SRCAP: variants seen among roughly 807,000 people sequenced by gnomAD.
SRCAP encodes chromatin remodeling protein SRCAP.
A neutral mutation model predicts 263.1 loss-of-function variants in SRCAP; 46 were observed. The ratio of observed to expected loss-of-function variants is 0.17; its 90% CI spans 0.14 to 0.22. SRCAP has a LOEUF of 0.22. Among genes scored for constraint, SRCAP ranks in the 10% least tolerant of loss-of-function variants. The pLI is 1.00. For synonymous variants in SRCAP, 1,813 were observed against 1,662.1 expected, an observed-to-expected ratio of 1.09 and a Z score of -2.21; for missense variants, 3,695 against 4,181.9, an observed-to-expected ratio of 0.88 and a Z score of 3.21.
chr16:30,710,215 A>G (rs2052872696), intron 8 of SRCAP, 87 bp downstream of exon 8: 3 of 1,431,880 alleles, frequency 2.1e-6, no homozygotes, highest in Admixed American at 2.4e-5. Flanking sequence ...GAGGTTGGTT[A>G]TGAGTTTTAG....
At chr16:30,734,465 C>T (rs777942245) in intron 30 of SRCAP, 31 bp from the exon 31 acceptor site, 1 of 1,613,090 alleles carries the variant, frequency 6.2e-7, no homozygotes, top group South Asian at 1.1e-5. Flanking sequence ...ATTCTGTTGA[C>T]TCTGACACTT....
At chr16:30,715,632 CCTTTA>C (rs1458130454) in intron 16 of SRCAP, among the ~76,000 whole-genome samples, 5 of 150,292 alleles carry the variant, frequency 3.3e-5, no homozygotes, top group Non-Finnish European at 5.9e-5. Context: ...TATCTCTGTT[CCTTTA>C]CTTCTTCCGT....
intron 6 of SRCAP, among the ~76,000 whole-genome samples, chr16:30,708,393 A>G (rs2052850592): frequency 6.6e-6 from 1 of 151,726 alleles, no homozygotes; most frequent in South Asian, 2.1e-4. Flanking sequence ...AATTCTTTTT[A>G]ATTTCTTTTT....
intron 20 of SRCAP, 60 bp from the exon 21 acceptor site, chr16:30,721,128 TG>T (rs2053007285): frequency 4.5e-6 from 7 of 1,546,654 alleles, no homozygotes; most frequent in African/African-American, 1.4e-5. Context: ...TGGAGGCTTC[TG>T]GCACCAGGCT....
chr16:30,717,749 C>T (rs1003595212), intron 18 of SRCAP, among the ~76,000 whole-genome samples: 2 of 150,016 alleles, frequency 1.3e-5, no homozygotes, highest in African/African-American at 4.9e-5. Context: ...GCTGGGGATA[C>T]AGGCACGCAC....
At position 30,725,031 on chromosome 16, in the gene SRCAP, C is replaced by T. The variant is rs2053050520; in HGVS notation, c.5607C>T (p.Gly1869=). 1.2e-6 allele frequency: 2 copies of T among 1,613,266 alleles called. No individual in the cohort carries two copies. Among genetic ancestry groups the T allele is most frequent in the Middle Eastern group, 1.7e-4 (1 of 6,058 alleles). ...CCTCCACTGCTACCTCGTTTGGTGG[C>T]CCCCGGCCTCGACGCCAGCCCCCCC... ...SPPSTATSFG[G]PRPRRQPPPP... The change falls in exon 25 of 34, where the codon GGC becomes GGT. Residue 1869 remains glycine, a synonymous_variant. Transcript: ENST00000262518.
rs1596666772 is a variant in SRCAP, at chr16:30,736,379, T to G, written c.6909T>G (p.Ala2303=). 1 of 1,612,878 alleles carries G rather than the reference T, an allele frequency of 6.2e-7. No individual in the cohort carries two copies. The highest frequency in any genetic ancestry group is 8.5e-7 in the Non-Finnish European group (1 of 1,179,210). Residue 2303 remains alanine, a synonymous_variant, in exon 32 of 34, where the codon GCT becomes GCG. Transcript: ENST00000262518. ...EEMSRAEQEI[A]ALVEQLTPIE... is the part of the protein sequence containing the mutation. ...TGTCCCGGGCTGAGCAGGAAATTGC[T>G]GCCCTCGTAGAACAGGTCAGTGCTG...
Position 30,737,566 on chromosome 16 carries a change from C to T in SRCAP, c.7526C>T (p.Pro2509Leu), listed in dbSNP as rs756517891. 6.2e-7 allele frequency: 1 copy of T among 1,614,072 alleles called. No homozygotes were observed. Among genetic ancestry groups the T allele is most frequent in the Non-Finnish European group, 8.5e-7 (1 of 1,179,978 alleles). The change falls in exon 34 of 34, where the codon CCA becomes CTA. Residue 2509 changes from proline to leucine, a missense_variant. Coordinates refer to ENST00000262518, the MANE Select transcript of SRCAP (RefSeq NM_006662.3). ...CCTCCTCCTGCCTGTACCCCTCCACCAGCTCATACACCGCCTCCAGCCCAA... is the reference window on the plus strand; with the variant it reads ...CCTCCTCCTGCCTGTACCCCTCCACTAGCTCATACACCGCCTCCAGCCCAA... ...CTPPPACTPPPAHTPPPAQTC... is the reference protein window; with the variant it reads ...CTPPPACTPPLAHTPPPAQTC...
intron 19 of SRCAP, 120 bp downstream of exon 19, chr16:30,720,451 G>A (rs748483879): frequency 1.1e-5 from 14 of 1,227,488 alleles, no homozygotes; most frequent in Admixed American, 2.3e-5. Context: ...TATGGGATGG[G>A]TGCAAACGTG....
In SRCAP at chr16:30,724,308, G is replaced by A. The variant is rs773459435; in HGVS notation, c.4884G>A (p.Pro1628=). The part of the protein sequence containing the change: ...AAPVLASSQT[P]VPVMAPSSTP... ...CTGTCCTGGCTTCATCACAGACTCC[G>A]GTTCCAGTTATGGCTCCATCGTCTA... Residue 1628 remains proline (P), a synonymous_variant, in exon 25 of 34, where the codon CCG becomes CCA. Transcript: ENST00000262518. 5.4e-5 allele frequency: 87 copies of A among 1,614,022 alleles called. No individual in the cohort carries two copies. Among genetic ancestry groups the A allele is most frequent in the Admixed American group, 8.3e-5 (5 of 60,008 alleles).
Position 30,733,401 on chromosome 16 carries a change from C to A in SRCAP, c.6249C>A (p.Gly2083=). The A allele has an allele frequency of 6.2e-7, 1 of 1,614,114 alleles. No individual in the cohort carries two copies. Residue 2083 remains glycine, a synonymous_variant, in exon 28 of 34, where the codon GGC becomes GGA. Coordinates refer to ENST00000262518, the MANE Select transcript of SRCAP (RefSeq NM_006662.3). This position sits in a 1 kb window ranked among gnomAD's most constrained non-coding sequence, Gnocchi z 5.3. ...DVLEQFLTYH[G]HLYLRLDGST... Reference sequence around the variant, plus strand: ...TGGAGCAGTTTCTCACCTACCATGGCCATCTCTACCTGCGCCTGGATGGAT... The same window carrying A: ...TGGAGCAGTTTCTCACCTACCATGGACATCTCTACCTGCGCCTGGATGGAT...
rs1418340646 is a variant in SRCAP, at chr16:30,738,410, C to T, written c.8370C>T (p.Ser2790=). ...GVSETSASPG[S]PSVRSMSGPE... Reference sequence around the variant, plus strand: ...CTGAGACTAGTGCCAGCCCGGGAAGCCCGTCTGTCCGCAGCATGTCAGGGC... The same window carrying T: ...CTGAGACTAGTGCCAGCCCGGGAAGTCCGTCTGTCCGCAGCATGTCAGGGC... Residue 2790 remains serine (S), a synonymous_variant, in exon 34 of 34, where the codon AGC becomes AGT. Transcript: ENST00000262518. 1.9e-6 allele frequency: 3 copies of T among 1,546,420 alleles called. No individual in the cohort carries two copies. In the African/African-American group the frequency reaches 4.1e-5, roughly 21 times the overall value.
intron 27 of SRCAP, among the ~76,000 whole-genome samples, chr16:30,732,567 T>A (rs1190574836): frequency 6.6e-6 from 1 of 152,236 alleles, no homozygotes; most frequent in Non-Finnish European, 1.5e-5. Context: ...TAAGAGCCTT[T>A]ACTGTTCTGA....
chr16:30,722,277 C>T lies in SRCAP; in HGVS notation c.3697C>T (p.Pro1233Ser). The change falls in exon 22 of 34, where the codon CCG becomes TCG. Residue 1233 changes from proline to serine, a missense_variant. Pro to Ser is a moderately conservative substitution (Grantham distance 74, BLOSUM62 -1). Transcript: ENST00000262518. Reference protein sequence around the residue: ...VRQLAVGQPRPLQRNVVHLVS... With the variant: ...VRQLAVGQPRSLQRNVVHLVS... ...CCAGCTTGCTGTGGGGCAGCCCCGC[C>T]CGCTGCAAAGTAGGTAAAACCCACC... 6.2e-7 allele frequency: 1 copy of T among 1,613,706 alleles called. No individual in the cohort carries two copies. Among genetic ancestry groups the T allele is most frequent in the South Asian group, 1.1e-5 (1 of 91,056 alleles).
intron 16 of SRCAP, among the ~76,000 whole-genome samples, chr16:30,715,777 T>C (rs1269665476): frequency 6.6e-6 from 1 of 152,220 alleles, no homozygotes; most frequent in East Asian, 1.9e-4. Flanking sequence ...ATTTGCATCA[T>C]CTTGTAAACT....
At chr16:30,720,538 C>G (rs1039991979) in intron 19 of SRCAP, among the ~76,000 whole-genome samples, 175 bp from the exon 20 acceptor site, 3 of 152,182 alleles carry the variant, frequency 2.0e-5, no homozygotes, top group African/African-American at 7.2e-5. Context: ...CTCCCTTTCT[C>G]TCTGTTCGGT....
rs146692631 is a variant in SRCAP, at chr16:30,727,708, C to T, written c.5659-1258C>T. Among the ~76,000 whole-genome samples, 680 of 152,276 alleles carry T rather than the reference C, an allele frequency of 4.5e-3. 4 individuals carry two copies. The highest frequency in any genetic ancestry group is 0.016 in the African/African-American group (644 of 41,536). Reference sequence around the variant, plus strand: ...CTGGGACTACAGGCTTGCACCACCACGCCCAGCTAACTTTTTTGTAATTTT... The same window carrying T: ...CTGGGACTACAGGCTTGCACCACCATGCCCAGCTAACTTTTTTGTAATTTT... On this transcript the variant is annotated intron_variant, in intron 25 of 33. Coordinates refer to ENST00000262518, the MANE Select transcript of SRCAP (RefSeq NM_006662.3).
chr16:30,721,130 G>A, intron 20 of SRCAP, 59 bp from the exon 21 acceptor site: 1 of 1,546,740 alleles, frequency 6.5e-7, no homozygotes, highest in African/African-American at 1.4e-5. Flanking sequence ...GAGGCTTCTG[G>A]CACCAGGCTA....
At chr16:30,714,023 G>A (rs571227729) in intron 16 of SRCAP, among the ~76,000 whole-genome samples, 58 of 148,534 alleles carry the variant, frequency 3.9e-4, no homozygotes, top group Non-Finnish European at 6.5e-4. Flanking sequence ...TCAGCCTCCC[G>A]AGTAGCCAGG....
Sources: allele counts gnomAD v4.1 joint callset (sites outside exome capture counted in the v4.1 genomes callset), GRCh38; gene constraint gnomAD v4.1.1; non-coding constraint Gnocchi (gnomAD v3.1); transcripts MANE v1.5; gene names NCBI Gene and HGNC (gene_info 2026-07-23, HGNC 2026-07-21).